Variants in COL8A1 observed in about 807,000 individuals in gnomAD.
The protein encoded by COL8A1 is collagen alpha-1(VIII) chain.
Under a neutral mutation model 42.7 loss-of-function variants are expected in COL8A1, and 21 were observed. The observed-to-expected ratio is 0.49, with a 90% CI of 0.35 to 0.71. The LOEUF (loss-of-function observed/expected upper bound fraction) is 0.71. Ranked by LOEUF, COL8A1 falls within the 30% of genes least tolerant of loss-of-function variation. The pLI, the probability that COL8A1 is intolerant of heterozygous loss-of-function variation, is 0.01. For synonymous variants in COL8A1, 367 were observed against 369.1 expected, an observed-to-expected ratio of 0.99 and a Z score of 0.06; for missense variants, 788 against 962.4, an observed-to-expected ratio of 0.82 and a Z score of 2.40.
At chr3:99,666,659 C>T (rs763182220) in intron 1 of COL8A1, among the ~76,000 whole-genome samples, 3 of 152,160 alleles carry the variant, frequency 2.0e-5, no homozygotes, top group Non-Finnish European at 2.9e-5. Flanking sequence ...TGTTTGTTTC[C>T]ACTTTCTGTT....
chr3:99,662,852 T>C (rs1938251126), intron 1 of COL8A1, among the ~76,000 whole-genome samples: 1 of 152,168 alleles, frequency 6.6e-6, no homozygotes, highest in South Asian at 2.1e-4. Flanking sequence ...GTGTGCATAT[T>C]TGTCTCTGTC....
chr3:99,795,573 C>T lies in COL8A1; in HGVS notation c.1672C>T (p.Leu558Phe), dbSNP rs1192181262. 1.9e-6 allele frequency: 3 copies of T among 1,610,086 alleles called. No homozygotes were observed. The highest frequency in any genetic ancestry group is 1.1e-5 in the South Asian group (1 of 90,822). The change falls in exon 4 of 4, where the codon CTT (leucine) becomes TTT (phenylalanine). Residue 558 changes from leucine (L) to phenylalanine (F), a missense_variant. Coordinates refer to ENST00000652472, the MANE Select transcript of COL8A1 (RefSeq NM_020351.4). Reference protein sequence around the residue: ...GALGPQGQPGLPGPPGPPGPP... With the variant: ...GALGPQGQPGFPGPPGPPGPP... Reference sequence around the variant, plus strand: ...CCTTGGTCCTCAAGGCCAGCCTGGCCTTCCAGGACCCCCAGGCCCTCCAGG... The same window carrying T: ...CCTTGGTCCTCAAGGCCAGCCTGGCTTTCCAGGACCCCCAGGCCCTCCAGG...
intron 2 of COL8A1, among the ~76,000 whole-genome samples, chr3:99,757,065 C>T (rs1191323681): frequency 6.6e-6 from 1 of 152,192 alleles, no homozygotes; most frequent in African/African-American, 2.4e-5. Flanking sequence ...AGGGACTTTT[C>T]TGTCTTCTTG....
chr3:99,794,744 G>A lies in COL8A1; in HGVS notation c.843G>A (p.Gly281=). ...AACCAGGAGTGACAGGCTTCCCTGG[G>A]CCCCAGGGCCCCCTGGGAAAGCCAG... ...VGKPGVTGFP[G]PQGPLGKPGA... is the part of the protein sequence containing the mutation. The change falls in exon 4 of 4, where the codon GGG becomes GGA. Residue 281 remains glycine (G), a synonymous_variant. Transcript: ENST00000652472. This position sits in a 1 kb window ranked among gnomAD's most constrained non-coding sequence, Gnocchi z 4.3. The A allele has an allele frequency of 6.3e-7, 1 of 1,598,628 alleles. No homozygotes were observed. Among genetic ancestry groups the A allele is most frequent in the Non-Finnish European group, 8.5e-7 (1 of 1,174,630 alleles).
intron 1 of COL8A1, among the ~76,000 whole-genome samples, chr3:99,639,570 C>G (rs1937462242): frequency 6.6e-6 from 1 of 152,202 alleles, no homozygotes; most frequent in African/African-American, 2.4e-5. Context: ...ATCCAATTAT[C>G]AGAGATATTC....
chr3:99,741,459 G>C (rs73860463), intron 1 of COL8A1, among the ~76,000 whole-genome samples: 1,675 of 152,246 alleles, frequency 0.011, 27 homozygotes, highest in African/African-American at 0.039. Flanking sequence ...AACCACATCA[G>C]AGTTTAGCAG....
chr3:99,698,164 G>A (rs1212271096), intron 1 of COL8A1, among the ~76,000 whole-genome samples: 1 of 152,168 alleles, frequency 6.6e-6, no homozygotes, highest in Non-Finnish European at 1.5e-5. Flanking sequence ...TTTTATGACT[G>A]CATAGTATTC....
intron 1 of COL8A1, among the ~76,000 whole-genome samples, chr3:99,673,940 G>A (rs535245632): frequency 2.6e-5 from 4 of 151,910 alleles, no homozygotes; most frequent in African/African-American, 4.8e-5. Context: ...TACACATAAC[G>A]CATTTAGAAT....
intron 2 of COL8A1, among the ~76,000 whole-genome samples, chr3:99,774,857 T>C (rs1023600856): frequency 1.3e-5 from 2 of 152,208 alleles, no homozygotes; most frequent in African/African-American, 4.8e-5. Context: ...AATTAATTAA[T>C]AGGTGAAAGC....
At chr3:99,668,363 T>A (rs981037205) in intron 1 of COL8A1, among the ~76,000 whole-genome samples, 32 of 152,288 alleles carry the variant, frequency 2.1e-4, no homozygotes, top group African/African-American at 7.7e-4. Flanking sequence ...CCAACTTTTG[T>A]GTTTTCATTA....
intron 3 of COL8A1, among the ~76,000 whole-genome samples, chr3:99,793,250 C>A (rs1040442803): frequency 1.3e-5 from 2 of 151,340 alleles, no homozygotes; most frequent in Non-Finnish European, 2.9e-5. Context: ...ATGTATTACA[C>A]ACTTCAAAAT....
intron 2 of COL8A1, among the ~76,000 whole-genome samples, chr3:99,784,214 A>C (rs1376157565): frequency 6.6e-6 from 1 of 152,224 alleles, no homozygotes; most frequent in Non-Finnish European, 1.5e-5. Flanking sequence ...ATAATTAAAT[A>C]ACAATTTTCA....
chr3:99,640,976 GC>G, intron 1 of COL8A1, among the ~76,000 whole-genome samples: 1 of 152,238 alleles, frequency 6.6e-6, no homozygotes, highest in South Asian at 2.1e-4. Flanking sequence ...AGAAGCTGCC[GC>G]TTTCACTAGA....
At chr3:99,679,469 A>G (rs1938800627) in intron 1 of COL8A1, 1 of 152,182 alleles carries the variant, frequency 6.6e-6, no homozygotes, top group East Asian at 1.9e-4. Flanking sequence ...CTGTCCTTCT[A>G]TAATAGAGTT....
chr3:99,656,879 C>A (rs1302037798), intron 1 of COL8A1, among the ~76,000 whole-genome samples: 2 of 152,174 alleles, frequency 1.3e-5, no homozygotes, highest in African/African-American at 2.4e-5. Context: ...CGTTGTTATG[C>A]ATTTGTGAGA....
At chr3:99,736,975 AC>A (rs1940740196) in intron 1 of COL8A1, among the ~76,000 whole-genome samples, 2 of 152,000 alleles carry the variant, frequency 1.3e-5, no homozygotes, top group African/African-American at 4.8e-5. Context: ...TGATCCCTTT[AC>A]CATTATGTAA....
chr3:99,701,579 G>A (rs1023304921), intron 1 of COL8A1, among the ~76,000 whole-genome samples: 6 of 152,190 alleles, frequency 3.9e-5, no homozygotes, highest in Non-Finnish European at 5.9e-5. Context: ...AGGTTTCATT[G>A]AGTGAGAGGT....
chr3:99,690,702 A>G (rs138348110), intron 1 of COL8A1, among the ~76,000 whole-genome samples: 88 of 152,328 alleles, frequency 5.8e-4, no homozygotes, highest in Middle Eastern at 6.8e-3. Context: ...TTAACTCATA[A>G]TGTTCCACAG....
intron 1 of COL8A1, among the ~76,000 whole-genome samples, chr3:99,713,403 C>T (rs975114081): frequency 6.6e-6 from 1 of 152,044 alleles, no homozygotes; most frequent in Admixed American, 6.6e-5. Flanking sequence ...CAAGAACTTG[C>T]TAGATGCCAG....
Sources: allele counts gnomAD v4.1 joint callset (sites outside exome capture counted in the v4.1 genomes callset), GRCh38; gene constraint gnomAD v4.1.1; non-coding constraint Gnocchi (gnomAD v3.1); transcripts MANE v1.5; gene names NCBI Gene and HGNC (gene_info 2026-07-23, HGNC 2026-07-21).